Variants in R3HCC1L observed in about 807,000 individuals in gnomAD.
R3HCC1L encodes the protein R3H domain and coiled-coil containing 1 like.
A neutral mutation model predicts 59.9 loss-of-function variants in R3HCC1L; 51 were observed. The observed-to-expected ratio is 0.85, with a 90% CI of 0.68 to 1.07. The LOEUF (loss-of-function observed/expected upper bound fraction) is 1.07, where lower values mean the gene tolerates loss of function less well. R3HCC1L is among the 50% of genes least tolerant of loss of function. The pLI is 0.00. For missense variants in R3HCC1L, 965 were observed against 933.0 expected (o/e 1.03, Z -0.45); for synonymous variants, 322 against 315.2 (o/e 1.02, Z -0.23).
chr10:98,172,411 A>C (rs1225340356), intron 4 of R3HCC1L, among the ~76,000 whole-genome samples: 1 of 152,186 alleles, frequency 6.6e-6, no homozygotes, highest in East Asian at 1.9e-4. Flanking sequence ...AGCAAAGCTG[A>C]GGTGTTAGGA....
At chr10:98,148,888 G>T (rs1312299401) in intron 1 of R3HCC1L, among the ~76,000 whole-genome samples, 1 of 152,140 alleles carries the variant, frequency 6.6e-6, no homozygotes, top group Non-Finnish European at 1.5e-5. Context: ...TGGCTGTGTA[G>T]AATGAGTTGG....
At position 98,208,240 on chromosome 10, in the gene R3HCC1L, A is replaced by G; in HGVS notation, c.126A>G (p.Ser42=). The part of the protein sequence containing the change: ...KTGDEEESCG[S]PNSVVKEKQK... ...GTGATGAAGAAGAAAGCTGTGGTTC[A>G]CCTAACTCTGTGGTGAAAGAAAAGC... Residue 42 remains serine, a synonymous_variant, in exon 5 of 10, where the codon TCA becomes TCG. Transcript: ENST00000298999. The G allele has an allele frequency of 2.5e-6, 4 of 1,614,090 alleles. No individual in the cohort carries two copies. The highest frequency in any genetic ancestry group is 3.4e-6 in the Non-Finnish European group (4 of 1,180,010).
At position 98,140,900 on chromosome 10, in the gene R3HCC1L, AT is replaced by A. The variant is rs557938742; in HGVS notation, c.-268+6195del. 1.6e-4 allele frequency among the ~76,000 whole-genome samples: 25 copies of A among 152,302 alleles called. No individual in the cohort carries two copies. The East Asian group carries it at 4.6e-3, about 28-fold the overall frequency. ...TTAATATTAATTTTTTCCTCAAAAAATCTAATATATAACTTACTATAGAAAA... is the reference window on the plus strand; with the variant it reads ...TTAATATTAATTTTTTCCTCAAAAAACTAATATATAACTTACTATAGAAAA... On this transcript the variant is annotated intron_variant, in intron 1 of 9. Coordinates refer to ENST00000298999, the MANE Select transcript of R3HCC1L (RefSeq NM_001351015.2).
intron 2 of R3HCC1L, among the ~76,000 whole-genome samples, chr10:98,161,021 G>T (rs1397148239): frequency 6.6e-6 from 1 of 152,164 alleles, no homozygotes. Flanking sequence ...TATGTTGGAG[G>T]TGTATTTTTG....
intron 1 of R3HCC1L, among the ~76,000 whole-genome samples, chr10:98,151,209 A>G (rs905205083): frequency 1.3e-5 from 2 of 152,172 alleles, no homozygotes; most frequent in Non-Finnish European, 2.9e-5. Context: ...CTACGCTGCC[A>G]TTTTGGAACT....
chr10:98,193,502 C>A (rs543250204), intron 4 of R3HCC1L, among the ~76,000 whole-genome samples: 1 of 152,204 alleles, frequency 6.6e-6, no homozygotes, highest in East Asian at 1.9e-4. Flanking sequence ...AAGAAAATCT[C>A]ATTTACAGTA....
intron 1 of R3HCC1L, among the ~76,000 whole-genome samples, chr10:98,138,895 C>T (rs1204676574): frequency 2.6e-5 from 4 of 152,122 alleles, no homozygotes; most frequent in South Asian, 2.1e-4. Context: ...AAAGATTATT[C>T]GAATGAGGCA....
In R3HCC1L at chr10:98,208,557, T is replaced by C. The variant is rs763342003; in HGVS notation, c.443T>C (p.Leu148Ser). Residue 148 changes from leucine (L) to serine (S), a missense_variant, in exon 5 of 10, where the codon TTG (leucine) becomes TCG (serine). Coordinates refer to ENST00000298999, the MANE Select transcript of R3HCC1L (RefSeq NM_001351015.2). Reference sequence around the variant, plus strand: ...TTTAAACCAAAGAAGGTGGAGTGTTTGGAAGTTGAAACTACGGATGTGACA... The same window carrying C: ...TTTAAACCAAAGAAGGTGGAGTGTTCGGAAGTTGAAACTACGGATGTGACA... ...RHFKPKKVEC[L>S]EVETTDVTGH... is the part of the protein sequence containing the mutation. 4 of 1,614,140 alleles carry C rather than the reference T, an allele frequency of 2.5e-6. No homozygotes were observed. The South Asian group carries it at 3.3e-5, about 13-fold the overall frequency.
intron 5 of R3HCC1L, among the ~76,000 whole-genome samples, chr10:98,227,703 G>A (rs953278042): frequency 2.0e-5 from 3 of 151,746 alleles, no homozygotes; most frequent in Non-Finnish European, 4.4e-5. Flanking sequence ...TTTACATTAG[G>A]TATATCTCCT....
chr10:98,207,160 C>CTG (rs1339593456), intron 4 of R3HCC1L, among the ~76,000 whole-genome samples: 22 of 152,152 alleles, frequency 1.4e-4, no homozygotes, highest in Admixed American at 1.4e-3. Flanking sequence ...GTGTGTGCAT[C>CTG]TGTGTGTATG....
At chr10:98,230,042 C>CTT (rs151102921) in intron 5 of R3HCC1L, among the ~76,000 whole-genome samples, 3 of 151,772 alleles carry the variant, frequency 2.0e-5, no homozygotes, top group African/African-American at 2.4e-5. Flanking sequence ...CTGAAATTCT[C>CTT]TTTTTTTGTT....
Position 98,244,307 on chromosome 10 carries a change from G to T in R3HCC1L, c.*149G>T. ...AGACAAGGACTGACTGGGTATAGAA[G>T]GAAGACAGACTCCTGTCTTCACTCC... On this transcript the variant is annotated 3_prime_UTR_variant, in exon 10 of 10. Coordinates refer to ENST00000298999, the MANE Select transcript of R3HCC1L (RefSeq NM_001351015.2). 1.5e-6 allele frequency: 1 copy of T among 688,274 alleles called. No individual in the cohort carries two copies. The highest frequency in any genetic ancestry group is 3.0e-5 in the East Asian group (1 of 33,202). 42.6% of individuals were successfully genotyped at this position (688,274 alleles called of 1,614,324 possible).
intron 4 of R3HCC1L, among the ~76,000 whole-genome samples, chr10:98,207,712 A>G (rs922009709): frequency 1.4e-5 from 2 of 145,440 alleles, no homozygotes; most frequent in Non-Finnish European, 1.5e-5. Flanking sequence ...AAAATTAAAG[A>G]AAAAAAAAAA....
chr10:98,208,246 C>T lies in R3HCC1L; in HGVS notation c.132C>T (p.Asn44=). 6.2e-7 allele frequency: 1 copy of T among 1,614,064 alleles called. No individual in the cohort carries two copies. The highest frequency in any genetic ancestry group is 8.5e-7 in the Non-Finnish European group (1 of 1,180,004). The change falls in exon 5 of 10, where the codon AAC becomes AAT. Residue 44 remains asparagine, a synonymous_variant. Transcript: ENST00000298999. ...GDEEESCGSP[N]SVVKEKQKES... is the part of the protein sequence containing the mutation. Reference sequence around the variant, plus strand: ...AAGAAGAAAGCTGTGGTTCACCTAACTCTGTGGTGAAAGAAAAGCAAAAAG... The same window carrying T: ...AAGAAGAAAGCTGTGGTTCACCTAATTCTGTGGTGAAAGAAAAGCAAAAAG...
intron 4 of R3HCC1L, among the ~76,000 whole-genome samples, chr10:98,199,242 C>G (rs981903949): frequency 4.6e-5 from 7 of 151,956 alleles, no homozygotes; most frequent in African/African-American, 1.7e-4. Context: ...TTTCCAACAT[C>G]GAGTAATTTA....
intron 4 of R3HCC1L, among the ~76,000 whole-genome samples, chr10:98,190,254 G>A (rs1850683757): frequency 6.6e-6 from 1 of 152,164 alleles, no homozygotes; most frequent in African/African-American, 2.4e-5. Flanking sequence ...GATATGGAGG[G>A]CCAGTTGTAC....
chr10:98,234,618 C>A, intron 7 of R3HCC1L, 102 bp downstream of exon 7: 1 of 1,243,820 alleles, frequency 8.0e-7, no homozygotes. Flanking sequence ...TCTTATTCAG[C>A]CAGTGTAGGT....
intron 9 of R3HCC1L, among the ~76,000 whole-genome samples, chr10:98,238,473 A>G (rs1857189318): frequency 6.6e-6 from 1 of 152,168 alleles, no homozygotes; most frequent in African/African-American, 2.4e-5. Flanking sequence ...TAAAAACCAT[A>G]AATGGTTTTT....
intron 5 of R3HCC1L, among the ~76,000 whole-genome samples, chr10:98,227,850 C>T (rs915871508): frequency 6.1e-4 from 93 of 151,224 alleles, no homozygotes; most frequent in Admixed American, 2.5e-3. Flanking sequence ...TTTGTCCTTG[C>T]GATAGTTTGC....
Sources: gnomAD v4.1 joint callset for allele counts (sites outside exome capture counted in the v4.1 genomes callset) on GRCh38, gnomAD v4.1.1 for gene constraint, MANE v1.5 for transcripts, NCBI Gene and HGNC (gene_info 2026-07-23, HGNC 2026-07-21) for gene names.